Variants in KCNT2 observed in about 807,000 individuals in gnomAD.
KCNT2 encodes the protein potassium channel subfamily T member 2.
Under a neutral mutation model 153.8 loss-of-function variants are expected in KCNT2, and 67 were observed. The observed-to-expected ratio is 0.44, with a 90% CI of 0.36 to 0.53. The LOEUF (loss-of-function observed/expected upper bound fraction) is 0.53, where lower values mean the gene tolerates loss of function less well. Among genes scored for constraint, KCNT2 ranks in the 20% least tolerant of loss-of-function variants. KCNT2 has a pLI of 0.00. For synonymous variants in KCNT2, 500 were observed against 458.8 expected (o/e 1.09, Z -1.15); for missense variants, 975 against 1,354.8 (o/e 0.72, Z 4.40).
intron 13 of KCNT2, among the ~76,000 whole-genome samples, chr1:196,388,186 G>A (rs1400449191): frequency 1.3e-5 from 2 of 151,580 alleles, no homozygotes; most frequent in East Asian, 3.9e-4. Flanking sequence ...GCCTCTCCAA[G>A]GTAATTAACT....
At chr1:196,257,028 GT>G (rs1656577690) in intron 26 of KCNT2, among the ~76,000 whole-genome samples, 1 of 152,060 alleles carries the variant, frequency 6.6e-6, no homozygotes, top group Non-Finnish European at 1.5e-5. Flanking sequence ...CTACATTTAA[GT>G]AAGTATCATA....
chr1:196,334,479 C>CTTTTTTTTTTTTTT (rs1664795038), intron 16 of KCNT2, among the ~76,000 whole-genome samples: 1 of 38,442 alleles, frequency 2.6e-5, no homozygotes, highest in Non-Finnish European at 4.6e-5. Flanking sequence ...TTATTTCTTT[C>CTTTTTTTTTTTTTT]TTTCTTTCTT....
chr1:196,305,396 T>C (rs775960576), intron 21 of KCNT2, 51 bp from the exon 22 acceptor site: 1 of 978,366 alleles, frequency 1.0e-6, no homozygotes, highest in Non-Finnish European at 1.6e-6. Flanking sequence ...ATATGGTATT[T>C]TTTATAACAA....
intron 1 of KCNT2, among the ~76,000 whole-genome samples, chr1:196,588,328 G>C (rs910819179): frequency 1.3e-5 from 2 of 151,448 alleles, no homozygotes; most frequent in East Asian, 3.9e-4. Flanking sequence ...AATGCCCCAG[G>C]TGCAGTACAC....
intron 13 of KCNT2, among the ~76,000 whole-genome samples, chr1:196,378,337 A>G (rs774363439): frequency 2.6e-5 from 4 of 152,134 alleles, no homozygotes; most frequent in African/African-American, 2.4e-5. Flanking sequence ...TAGCAAATTT[A>G]TTAATGTGCA....
At chr1:196,355,492 G>A (rs148857790) in intron 14 of KCNT2, among the ~76,000 whole-genome samples, 28 of 151,780 alleles carry the variant, frequency 1.8e-4, no homozygotes, top group African/African-American at 6.5e-4. Context: ...TATTGACAGT[G>A]ATCATAAACA....
At chr1:196,379,371 G>A (rs993127723) in intron 13 of KCNT2, among the ~76,000 whole-genome samples, 1 of 152,052 alleles carries the variant, frequency 6.6e-6, no homozygotes. Flanking sequence ...AGGAGTTTGA[G>A]ACCAACCTGG....
chr1:196,344,876 T>A (rs1046044896), intron 14 of KCNT2, among the ~76,000 whole-genome samples: 2 of 152,260 alleles, frequency 1.3e-5, no homozygotes, highest in Admixed American at 1.3e-4. Flanking sequence ...CGTTGGAATT[T>A]TTTTTTTCTT....
At chr1:196,352,614 T>C (rs892156145) in intron 14 of KCNT2, among the ~76,000 whole-genome samples, 1 of 152,126 alleles carries the variant, frequency 6.6e-6, no homozygotes, top group African/African-American at 2.4e-5. Context: ...TTATTAGTCT[T>C]GTTAGTGGTC....
intron 8 of KCNT2, among the ~76,000 whole-genome samples, chr1:196,443,918 C>G (rs1416406549): frequency 6.6e-6 from 1 of 151,418 alleles, no homozygotes; most frequent in Non-Finnish European, 1.5e-5. Context: ...TATCATAACA[C>G]ACTACCCATA....
At chr1:196,295,840 A>G (rs1660627176) in intron 22 of KCNT2, among the ~76,000 whole-genome samples, 1 of 152,074 alleles carries the variant, frequency 6.6e-6, no homozygotes, top group Non-Finnish European at 1.5e-5. Flanking sequence ...ATATTTAAAT[A>G]TCTGAGTCCT....
At position 196,228,301 on chromosome 1, in the gene KCNT2, G is replaced by C. The variant is rs1167354675; in HGVS notation, c.3331C>G (p.Pro1111Ala). The change falls in exon 28 of 28, where the codon CCA (proline) becomes GCA (alanine). Residue 1111 changes from proline (P) to alanine (A), a missense_variant. Coordinates refer to ENST00000294725, the MANE Select transcript of KCNT2 (RefSeq NM_198503.5). The stretch of plus-strand genomic sequence containing the variant: ...TTTCTTCGACTGGGCTCACTGTTTG[G>C]AAGGTAGGCCAGTGGATCTGGTCGA... ...LIRPDPLAYL[P>A]NSEPSRRNSI... The C allele has an allele frequency of 1.2e-6, 2 of 1,609,970 alleles. No homozygotes were observed. Among genetic ancestry groups the C allele is most frequent in the East Asian group, 2.2e-5 (1 of 44,718 alleles).
intron 3 of KCNT2, among the ~76,000 whole-genome samples, chr1:196,486,359 T>C (rs1679419770): frequency 6.6e-6 from 1 of 152,032 alleles, no homozygotes; most frequent in South Asian, 2.1e-4. Context: ...ATATATCATT[T>C]AGTTATTCTG....
chr1:196,524,803 T>C (rs532635899), intron 1 of KCNT2, among the ~76,000 whole-genome samples: 1 of 152,336 alleles, frequency 6.6e-6, no homozygotes, highest in Non-Finnish European at 1.5e-5. Flanking sequence ...TTTACTTCTA[T>C]TTCTAGCAAC....
chr1:196,290,401 A>C lies in KCNT2; in HGVS notation c.2596-4643T>G, dbSNP rs532937665. Among the ~76,000 whole-genome samples, 15 of 152,126 alleles carry C rather than the reference A, an allele frequency of 9.9e-5. No individual in the cohort carries two copies. In the South Asian group the frequency reaches 3.1e-3, roughly 32 times the overall value. On this transcript the variant is annotated intron_variant, in intron 22 of 27. Coordinates refer to ENST00000294725, the MANE Select transcript of KCNT2 (RefSeq NM_198503.5). The stretch of plus-strand genomic sequence containing the variant: ...CTCTCCTTTATGAACCTCAGGATAA[A>C]GTCCTTAGTTAAACTCATCTTCCTT...
At chr1:196,514,496 C>T (rs896848038) in intron 1 of KCNT2, among the ~76,000 whole-genome samples, 4 of 152,148 alleles carry the variant, frequency 2.6e-5, no homozygotes, top group African/African-American at 9.7e-5. Context: ...CACTGAAAAA[C>T]ATTTTTCTTA....
intron 1 of KCNT2, among the ~76,000 whole-genome samples, chr1:196,555,338 A>G (rs1658498943): frequency 6.6e-6 from 1 of 151,526 alleles, no homozygotes; most frequent in Non-Finnish European, 1.5e-5. Context: ...AAAAATCAGT[A>G]GCATTTCTAT....
At chr1:196,460,605 A>G (rs768418447) in intron 8 of KCNT2, among the ~76,000 whole-genome samples, 3 of 151,700 alleles carry the variant, frequency 2.0e-5, no homozygotes, top group Non-Finnish European at 3.0e-5. Context: ...ATCATTATAT[A>G]TTTCACAGGT....
intron 1 of KCNT2, among the ~76,000 whole-genome samples, chr1:196,525,755 G>C (rs1273360663): frequency 6.6e-6 from 1 of 152,204 alleles, no homozygotes; most frequent in Non-Finnish European, 1.5e-5. Flanking sequence ...TTACAGCCAT[G>C]TTGGCCAGAA....
Sources: gnomAD v4.1 joint callset for allele counts (sites outside exome capture counted in the v4.1 genomes callset) on GRCh38, gnomAD v4.1.1 for gene constraint, MANE v1.5 for transcripts, NCBI Gene and HGNC (gene_info 2026-07-23, HGNC 2026-07-21) for gene names.